The following FSTL4 variants were observed in gnomAD, a reference collection of about 807,000 sequenced individuals.
The protein encoded by FSTL4 is follistatin-related protein 4.
FSTL4 carries 28 observed loss-of-function variants against 78.2 expected under a neutral mutation model. The observed-to-expected ratio is 0.36, with a 90% CI of 0.27 to 0.49. FSTL4 has a LOEUF of 0.49. Among genes scored for constraint, FSTL4 ranks in the 20% least tolerant of loss-of-function variants. The pLI is 0.98. For synonymous variants in FSTL4, 422 were observed against 440.5 expected, an observed-to-expected ratio of 0.96 and a Z score of 0.53; for missense variants, 922 against 1,084.9, an observed-to-expected ratio of 0.85 and a Z score of 2.11.
At chr5:133,619,801 C>T in the FSTL4 span, among the ~76,000 whole-genome samples, 1 of 152,228 alleles carries the variant, frequency 6.6e-6, no homozygotes. Context: ...GCAAGCCTTT[C>T]ACTACAACCC....
chr5:133,280,369 C>T (rs76209990), intron 6 of FSTL4, among the ~76,000 whole-genome samples: 1 of 152,104 alleles, frequency 6.6e-6, no homozygotes, highest in South Asian at 2.1e-4. Flanking sequence ...CCACTCAGAC[C>T]CTCTGCAGTT....
At chr5:133,446,504 G>C (rs1484583737) in intron 3 of FSTL4, among the ~76,000 whole-genome samples, 1 of 152,128 alleles carries the variant, frequency 6.6e-6, no homozygotes, top group African/African-American at 2.4e-5. Flanking sequence ...ACACTGTGGG[G>C]CTCTCTTCTG....
At chr5:133,711,606 C>T in the FSTL4 span, among the ~76,000 whole-genome samples, 1 of 152,220 alleles carries the variant, frequency 6.6e-6, no homozygotes, top group East Asian at 1.9e-4. Context: ...ACTCTGCCAA[C>T]CTACTGGTGA....
intron 3 of FSTL4, among the ~76,000 whole-genome samples, chr5:133,565,907 T>C (rs1404960028): frequency 6.6e-6 from 1 of 152,136 alleles, no homozygotes; most frequent in African/African-American, 2.4e-5. Context: ...CATGTCAAAT[T>C]CTCCTCTCCT....
At chr5:133,670,816 G>A in the FSTL4 span, among the ~76,000 whole-genome samples, 17 of 152,184 alleles carry the variant, frequency 1.1e-4, no homozygotes, top group African/African-American at 2.7e-4. Context: ...TACATTTTGC[G>A]TGTAGAAGGA....
chr5:133,517,447 A>AAAAAAAAAAAATATATATATATATAT (rs1554068019), intron 3 of FSTL4, among the ~76,000 whole-genome samples: 1 of 16,396 alleles, frequency 6.1e-5, no homozygotes, highest in Non-Finnish European at 1.0e-4. Flanking sequence ...AAAAAAAAAA[A>AAAAAAAAAAAATATATATATATATAT]ATATATATAT....
the FSTL4 span, among the ~76,000 whole-genome samples, chr5:133,714,224 G>C: frequency 6.6e-6 from 1 of 152,288 alleles, no homozygotes; most frequent in African/African-American, 2.4e-5. Context: ...ACCAGATGTG[G>C]CTGTTGTCCA....
Position 133,432,670 on chromosome 5 carries a change from T to C in FSTL4, c.161-31684A>G, listed in dbSNP as rs145121460. Among the ~76,000 whole-genome samples the C allele has an allele frequency of 3.9e-5, 6 of 152,330 alleles. No individual in the cohort carries two copies. In the South Asian group the frequency reaches 6.2e-4, roughly 16 times the overall value. ...ACCAGGGATTTGGTGGTAAACCAAA[T>C]AGGCAGAAATCTGCTCCTTACAAAT... On this transcript the variant is annotated intron_variant, in intron 3 of 15. Transcript: ENST00000265342.
intron 3 of FSTL4, among the ~76,000 whole-genome samples, chr5:133,544,576 TC>T (rs1759538474): frequency 6.6e-6 from 1 of 152,220 alleles, no homozygotes; most frequent in Non-Finnish European, 1.5e-5. Context: ...ACCCCCGTTT[TC>T]TTCCTGAGGG....
intron 3 of FSTL4, among the ~76,000 whole-genome samples, chr5:133,536,384 C>A (rs1388229404): frequency 1.3e-5 from 2 of 152,080 alleles, no homozygotes; most frequent in Non-Finnish European, 2.9e-5. Flanking sequence ...TTGTGAACAA[C>A]TTTCTATTTC....
intron 12 of FSTL4, among the ~76,000 whole-genome samples, chr5:133,219,678 TATTGCCTGA>T (rs2126785410): frequency 6.6e-6 from 1 of 152,346 alleles, no homozygotes; most frequent in Non-Finnish European, 1.5e-5. Context: ...CACAGTCTTA[TATTGCCTGA>T]AACACCTTCA....
At chr5:133,759,123 G>A in the FSTL4 span, among the ~76,000 whole-genome samples, 6 of 152,176 alleles carry the variant, frequency 3.9e-5, no homozygotes, top group Non-Finnish European at 8.8e-5. Context: ...AAACGTGCAA[G>A]GGTATTTTAA....
intron 3 of FSTL4, among the ~76,000 whole-genome samples, chr5:133,420,770 G>A (rs1002303958): frequency 3.3e-5 from 5 of 152,222 alleles, no homozygotes; most frequent in Non-Finnish European, 5.9e-5. Context: ...CTGGCCCACG[G>A]GTGCATGGCT....
intron 4 of FSTL4, among the ~76,000 whole-genome samples, chr5:133,373,022 G>C (rs191910870): frequency 6.0e-4 from 91 of 152,268 alleles, no homozygotes; most frequent in African/African-American, 2.2e-3. Context: ...ATTAGGAGGT[G>C]GGGGGAGCCT....
the FSTL4 span, among the ~76,000 whole-genome samples, chr5:133,831,103 C>A: frequency 1.3e-5 from 2 of 152,246 alleles, no homozygotes; most frequent in East Asian, 1.9e-4. Flanking sequence ...GAAAATGAAA[C>A]CATGGTTCCA....
the FSTL4 span, among the ~76,000 whole-genome samples, chr5:133,678,648 G>A: frequency 1.3e-5 from 2 of 152,160 alleles, no homozygotes; most frequent in East Asian, 3.8e-4. Context: ...TACAAGTGGA[G>A]CTGTTGAATA....
Position 133,199,364 on chromosome 5 carries a change from C to G in FSTL4, c.2260G>C (p.Ala754Pro), listed in dbSNP as rs1487669312. ...TESNQYNIYA[A>P]LHTEPDLLFL... Reference sequence around the variant, plus strand: ...AGCAGGTCCGGCTCCGTGTGCAGAGCCGCGTAGATGTTGTATTGATTGCTT... The same window carrying G: ...AGCAGGTCCGGCTCCGTGTGCAGAGGCGCGTAGATGTTGTATTGATTGCTT... Residue 754 changes from alanine (A) to proline (P), a missense_variant, in exon 16 of 16, where the codon GCT becomes CCT. Transcript: ENST00000265342. The surrounding 1 kb of genome is among the most constrained non-coding windows in gnomAD (Gnocchi z 4.4). The G allele has an allele frequency of 1.2e-6, 2 of 1,614,146 alleles. No homozygotes were observed. Among genetic ancestry groups the G allele is most frequent in the South Asian group, 2.2e-5 (2 of 91,076 alleles).
At chr5:133,767,133 G>A in the FSTL4 span, among the ~76,000 whole-genome samples, 2 of 152,318 alleles carry the variant, frequency 1.3e-5, no homozygotes, top group East Asian at 3.9e-4. Context: ...ACTCCTGAAG[G>A]CTACCAGAGT....
At chr5:133,657,766 G>GTTTT in the FSTL4 span, among the ~76,000 whole-genome samples, 7 of 85,938 alleles carry the variant, frequency 8.1e-5, no homozygotes, top group South Asian at 3.8e-4. Flanking sequence ...ACTGTTTTTT[G>GTTTT]TTTTTTTTGT....
Sources: gnomAD v4.1 joint callset for allele counts (sites outside exome capture counted in the v4.1 genomes callset) on GRCh38, gnomAD v4.1.1 for gene constraint, Gnocchi (gnomAD v3.1) non-coding constraint, MANE v1.5 for transcripts, NCBI Gene and HGNC (gene_info 2026-07-23, HGNC 2026-07-21) for gene names.